Variants in MEI4 observed in about 807,000 individuals in gnomAD.
MEI4 encodes the protein meiosis-specific protein MEI4.
A neutral mutation model predicts 31.4 loss-of-function variants in MEI4; 27 were observed. The observed-to-expected ratio is 0.86, with a 90% confidence interval of 0.63 to 1.19. The LOEUF is 1.19. Among genes scored for constraint, MEI4 ranks in the 50% most tolerant of loss-of-function variants. MEI4 has a pLI of 0.00. For missense variants in MEI4, 329 were observed against 398.9 expected, an observed-to-expected ratio of 0.82 and a Z score of 1.49; for synonymous variants, 122 against 145.4, an observed-to-expected ratio of 0.84 and a Z score of 1.16.
chr6:77,756,274 ATATT>A (rs1767914298), intron 2 of MEI4, among the ~76,000 whole-genome samples: 1 of 152,194 alleles, frequency 6.6e-6, no homozygotes, highest in African/African-American at 2.4e-5. Flanking sequence ...AATATTGAAA[ATATT>A]TAATCTTTTC....
At chr6:77,653,273 C>G (rs753810409) in intron 1 of MEI4, among the ~76,000 whole-genome samples, 181 bp downstream of exon 1, 9 of 152,096 alleles carry the variant, frequency 5.9e-5, no homozygotes, top group Non-Finnish European at 1.0e-4. Context: ...CATTGATTAC[C>G]ATTAGGGAAA....
chr6:77,710,539 A>ATG (rs1554152926), intron 2 of MEI4, among the ~76,000 whole-genome samples: 1 of 120,744 alleles, frequency 8.3e-6, no homozygotes, highest in Non-Finnish European at 1.7e-5. Context: ...AAAAAAAAAA[A>ATG]AAAGAAAAGG....
At chr6:77,794,888 A>G (rs1337283134) in intron 3 of MEI4, among the ~76,000 whole-genome samples, 2 of 152,232 alleles carry the variant, frequency 1.3e-5, no homozygotes, top group Non-Finnish European at 2.9e-5. Flanking sequence ...TCTCATATGT[A>G]TATACTTTGA....
At chr6:77,821,794 C>T (rs1270532934) in intron 3 of MEI4, among the ~76,000 whole-genome samples, 1 of 85,000 alleles carries the variant, frequency 1.2e-5, no homozygotes, top group African/African-American at 6.1e-5. Context: ...GAAATGCCAT[C>T]TCTCCAAAAA....
At chr6:77,842,747 T>A (rs1770395900) in intron 4 of MEI4, among the ~76,000 whole-genome samples, 1 of 151,954 alleles carries the variant, frequency 6.6e-6, no homozygotes, top group African/African-American at 2.4e-5. Flanking sequence ...TAAAGGGAAG[T>A]GGACATCATT....
intron 2 of MEI4, among the ~76,000 whole-genome samples, chr6:77,742,461 T>G (rs1262442319): frequency 6.6e-6 from 1 of 152,210 alleles, no homozygotes; most frequent in East Asian, 1.9e-4. Flanking sequence ...CACTTTTTGA[T>G]GGGGTTGTTT....
intron 4 of MEI4, among the ~76,000 whole-genome samples, chr6:77,893,158 C>T (rs1766003523): frequency 1.3e-5 from 2 of 152,140 alleles, no homozygotes; most frequent in Admixed American, 1.3e-4. Context: ...CTTAGACACT[C>T]TATTTGATGT....
intron 4 of MEI4, among the ~76,000 whole-genome samples, chr6:77,849,719 T>C (rs1444096676): frequency 1.3e-5 from 2 of 152,182 alleles, no homozygotes; most frequent in Non-Finnish European, 2.9e-5. Flanking sequence ...GTAGAACAGA[T>C]ATTTAGCGGT....
intron 2 of MEI4, among the ~76,000 whole-genome samples, chr6:77,750,464 G>A (rs1176373244): frequency 6.6e-6 from 1 of 152,166 alleles, no homozygotes; most frequent in Non-Finnish European, 1.5e-5. Flanking sequence ...AGCAGGTATT[G>A]CAATCCTAGT....
intron 2 of MEI4, among the ~76,000 whole-genome samples, chr6:77,691,968 C>G (rs1175187194): frequency 6.6e-6 from 1 of 151,976 alleles, no homozygotes. Flanking sequence ...AAAACTCTTC[C>G]CTGGCTTTTA....
At chr6:77,744,887 A>C (rs1767540120) in intron 2 of MEI4, among the ~76,000 whole-genome samples, 1 of 152,204 alleles carries the variant, frequency 6.6e-6, no homozygotes, top group Non-Finnish European at 1.5e-5. Context: ...TAAGTGAAGG[A>C]GAAATAAAAT....
chr6:77,855,686 T>G (rs947997760), intron 4 of MEI4, among the ~76,000 whole-genome samples: 1 of 152,124 alleles, frequency 6.6e-6, no homozygotes, highest in African/African-American at 2.4e-5. Context: ...AGGAAACACA[T>G]CTGTGTTTAA....
At chr6:77,880,317 G>A (rs967429410) in intron 4 of MEI4, among the ~76,000 whole-genome samples, 7 of 150,478 alleles carry the variant, frequency 4.7e-5, no homozygotes, top group Admixed American at 2.0e-4. Context: ...TGCAAGCTCC[G>A]CCTCCCGGGC....
At chr6:77,836,658 A>T (rs1448095963) in intron 4 of MEI4, among the ~76,000 whole-genome samples, 1 of 152,142 alleles carries the variant, frequency 6.6e-6, no homozygotes, top group Non-Finnish European at 1.5e-5. Context: ...GCAACAAAAT[A>T]AGCATTTTTA....
At chr6:77,907,486 C>A (rs1766323697) in intron 4 of MEI4, among the ~76,000 whole-genome samples, 1 of 152,148 alleles carries the variant, frequency 6.6e-6, no homozygotes, top group South Asian at 2.1e-4. Context: ...TTTACAGCTG[C>A]ATAGTATTCC....
At chr6:77,686,318 A>G (rs1217817171) in intron 1 of MEI4, among the ~76,000 whole-genome samples, 1 of 151,932 alleles carries the variant, frequency 6.6e-6, no homozygotes, top group African/African-American at 2.4e-5. Context: ...GACTTCCTCA[A>G]CTCATGGTGA....
chr6:77,841,491 C>A (rs1170260075), intron 4 of MEI4, among the ~76,000 whole-genome samples: 1 of 150,754 alleles, frequency 6.6e-6, no homozygotes, highest in East Asian at 2.0e-4. Flanking sequence ...AAGAGTGTGC[C>A]ACTACTCGTG....
At chr6:77,715,879 G>T (rs1347107869) in intron 2 of MEI4, among the ~76,000 whole-genome samples, 1 of 151,774 alleles carries the variant, frequency 6.6e-6, no homozygotes, top group African/African-American at 2.4e-5. Flanking sequence ...GTTGAAAATT[G>T]GCCGGTTACA....
At chr6:77,818,704 A>G (rs898590640) in intron 3 of MEI4, among the ~76,000 whole-genome samples, 4 of 151,986 alleles carry the variant, frequency 2.6e-5, no homozygotes, top group Non-Finnish European at 5.9e-5. Context: ...CTATTCGTAC[A>G]TTGTTACATT....
Sources: gnomAD v4.1 joint callset for allele counts (sites outside exome capture counted in the v4.1 genomes callset) on GRCh38, gnomAD v4.1.1 for gene constraint, MANE v1.5 for transcripts, NCBI Gene and HGNC (gene_info 2026-07-23, HGNC 2026-07-21) for gene names.